SENP6: variants seen among roughly 807,000 people sequenced by gnomAD.
SENP6 encodes the protein SUMO specific peptidase 6.
SENP6 carries 41 observed loss-of-function variants against 134.5 expected under a neutral mutation model. That is an observed-to-expected ratio of 0.30 (90% CI 0.24 to 0.40). The LOEUF (loss-of-function observed/expected upper bound fraction) is 0.40. SENP6 is among the 10% of genes least tolerant of loss of function. The probability of loss-of-function intolerance (pLI) is 1.00; values close to 1 mark genes in which losing one functional copy is unlikely to be tolerated. For synonymous variants in SENP6, 395 were observed against 429.8 expected (o/e 0.92, Z 1.00); for missense variants, 1,248 against 1,312.5 (o/e 0.95, Z 0.76).
At chr6:75,712,035 A>G (rs1775780175) in intron 21 of SENP6, among the ~76,000 whole-genome samples, 1 of 152,162 alleles carries the variant, frequency 6.6e-6, no homozygotes, top group African/African-American at 2.4e-5. Context: ...AGAAATCACT[A>G]TATATCAAAA....
At chr6:75,666,255 CGATATATAT>C (rs1315821090) in intron 9 of SENP6, among the ~76,000 whole-genome samples, 1 of 144,690 alleles carries the variant, frequency 6.9e-6, no homozygotes, top group Non-Finnish European at 1.5e-5. Context: ...AATATATATA[CGATATATAT>C]AAAATATATA....
Position 75,675,682 on chromosome 6 carries a change from A to G in SENP6, c.1427-178A>G. On this transcript the variant is annotated intron_variant, in intron 12 of 23. Transcript: ENST00000447266. The stretch of plus-strand genomic sequence containing the variant: ...AACCCCTTTTCATTTGGAAAAAATA[A>G]AAAAGTTTCTTTAAGGCAGTTATAA... 3 of 797,130 alleles carry G rather than the reference A, an allele frequency of 3.8e-6. No individual in the cohort carries two copies. The South Asian group carries it at 5.0e-5, about 13-fold the overall frequency. 49.4% of individuals were successfully genotyped at this position (797,130 alleles called of 1,614,324 possible).
intron 16 of SENP6, among the ~76,000 whole-genome samples, chr6:75,686,380 A>G (rs906396655): frequency 3.3e-5 from 5 of 152,176 alleles, no homozygotes; most frequent in African/African-American, 1.2e-4. Flanking sequence ...TAATTGGGGC[A>G]TTTAGCCCAT....
chr6:75,708,624 G>T (rs1290082975), intron 19 of SENP6, among the ~76,000 whole-genome samples: 1 of 152,168 alleles, frequency 6.6e-6, no homozygotes, highest in Non-Finnish European at 1.5e-5. Flanking sequence ...GCCAGGCACG[G>T]TGGCTCATGC....
chr6:75,607,429 T>C (rs1346147918), intron 1 of SENP6, among the ~76,000 whole-genome samples: 10 of 152,188 alleles, frequency 6.6e-5, no homozygotes, highest in Non-Finnish European at 1.5e-4. Context: ...TCCTATAAAC[T>C]TTCTTTTGAT....
chr6:75,693,207 C>T (rs917486118), intron 16 of SENP6, among the ~76,000 whole-genome samples: 11 of 152,122 alleles, frequency 7.2e-5, no homozygotes, highest in African/African-American at 2.4e-4. Flanking sequence ...CGAGACCAAC[C>T]TGGCCAACAT....
At chr6:75,671,793 G>C (rs1339489877) in intron 11 of SENP6, among the ~76,000 whole-genome samples, 1 of 152,100 alleles carries the variant, frequency 6.6e-6, no homozygotes, top group Non-Finnish European at 1.5e-5. Context: ...TTAATGTAAT[G>C]AATAATAACT....
chr6:75,638,608 A>T (rs1561992704), intron 5 of SENP6, among the ~76,000 whole-genome samples: 1 of 43,582 alleles, frequency 2.3e-5, no homozygotes, highest in Non-Finnish European at 4.3e-5. Context: ...ATATATATAT[A>T]TATATATATA....
chr6:75,606,868 T>C (rs1767067525), intron 1 of SENP6, among the ~76,000 whole-genome samples: 1 of 152,164 alleles, frequency 6.6e-6, no homozygotes, highest in African/African-American at 2.4e-5. Context: ...ATCATGAGAA[T>C]TGGATCTAAT....
At chr6:75,684,172 G>A (rs925767650) in intron 16 of SENP6, among the ~76,000 whole-genome samples, 1 of 152,170 alleles carries the variant, frequency 6.6e-6, no homozygotes. Context: ...GTGAATGGGA[G>A]TTCACTCATG....
intron 3 of SENP6, among the ~76,000 whole-genome samples, chr6:75,630,246 T>G (rs963395264): frequency 4.8e-4 from 73 of 152,006 alleles, no homozygotes; most frequent in African/African-American, 1.7e-3. Context: ...ATTTTTGTAT[T>G]TTTAGTAGAG....
intron 16 of SENP6, among the ~76,000 whole-genome samples, chr6:75,682,825 T>C (rs1773559785): frequency 6.6e-6 from 1 of 152,198 alleles, no homozygotes; most frequent in Admixed American, 6.5e-5. Context: ...TTTGGGTTGG[T>C]TCCAAGTCTT....
intron 16 of SENP6, among the ~76,000 whole-genome samples, chr6:75,681,462 C>CTT (rs35516779): frequency 1.4e-5 from 2 of 144,802 alleles, no homozygotes; most frequent in African/African-American, 5.1e-5. Context: ...TCAGGTATTT[C>CTT]TTTTTTTTTT....
chr6:75,678,738 C>G (rs750520357), intron 15 of SENP6, 46 bp downstream of exon 15: 1 of 1,384,374 alleles, frequency 7.2e-7, no homozygotes, highest in Admixed American at 1.7e-5. Context: ...ATGTCTTTCT[C>G]TGTTTTATTA....
At chr6:75,696,945 A>G (rs951435862) in intron 17 of SENP6, among the ~76,000 whole-genome samples, 104 of 152,154 alleles carry the variant, frequency 6.8e-4, no homozygotes, top group African/African-American at 2.4e-3. Context: ...TAATAATAAT[A>G]TATTCTCTTA....
intron 14 of SENP6, chr6:75,677,627 G>A (rs550179640): frequency 1.8e-5 from 3 of 166,132 alleles, no homozygotes; most frequent in South Asian, 3.2e-4. Flanking sequence ...ATTGTGGTCC[G>A]TGGTGTACAT....
intron 3 of SENP6, among the ~76,000 whole-genome samples, chr6:75,626,911 GTT>G (rs201418276): frequency 6.6e-6 from 1 of 150,600 alleles, no homozygotes; most frequent in Non-Finnish European, 1.5e-5. Context: ...GTCTTTCTGG[GTT>G]TTTTTTTCCC....
At chr6:75,707,304 T>C (rs1933433608) in intron 19 of SENP6, among the ~76,000 whole-genome samples, 1 of 151,960 alleles carries the variant, frequency 6.6e-6, no homozygotes, top group African/African-American at 2.4e-5. Context: ...AAATACAGAT[T>C]TTTGGAAAAG....
At position 75,640,842 on chromosome 6, in the gene SENP6, A is replaced by T; in HGVS notation, c.479+138A>T. The T allele has an allele frequency of 6.4e-6, 3 of 472,284 alleles. No individual in the cohort carries two copies. The Admixed American group carries it at 1.2e-4, about 19-fold the overall frequency. 29.3% of individuals were successfully genotyped at this position (472,284 alleles called of 1,614,324 possible). A position where few individuals can be genotyped will look rare whatever the true frequency, so the allele number is the denominator to read the frequency against. On this transcript the variant is annotated intron_variant, in intron 6 of 23. Coordinates refer to ENST00000447266, the MANE Select transcript of SENP6 (RefSeq NM_015571.4). ...AATTTTAAAGTTTTAGTTGACATGTAATAATTGTACATATTTATAGGATAC... is the reference window on the plus strand; with the variant it reads ...AATTTTAAAGTTTTAGTTGACATGTTATAATTGTACATATTTATAGGATAC...
Sources: gnomAD v4.1 joint callset for allele counts (sites outside exome capture counted in the v4.1 genomes callset) on GRCh38, gnomAD v4.1.1 for gene constraint, MANE v1.5 for transcripts, NCBI Gene and HGNC (gene_info 2026-07-23, HGNC 2026-07-21) for gene names.